PDE1C: variants seen among roughly 807,000 people sequenced by gnomAD.
PDE1C encodes phosphodiesterase 1C.
A neutral mutation model predicts 93.1 loss-of-function variants in PDE1C; 62 were observed. The observed-to-expected ratio is 0.67, with a 90% CI of 0.54 to 0.82. The LOEUF (loss-of-function observed/expected upper bound fraction) is 0.82. PDE1C is among the 40% of genes least tolerant of loss of function. The pLI, the probability that PDE1C is intolerant of heterozygous loss-of-function variation, is 0.00. For synonymous variants in PDE1C, 325 were observed against 310.1 expected, an observed-to-expected ratio of 1.05 and a Z score of -0.50; for missense variants, 742 against 884.6, an observed-to-expected ratio of 0.84 and a Z score of 2.04.
At chr7:31,750,276 A>G (rs1383547906), downstream of PDE1C, among the ~76,000 whole-genome samples, 1 of 134,696 alleles carries the variant, frequency 7.4e-6, no homozygotes, top group African/African-American at 2.7e-5. Context: ...AGACGGCCAC[A>G]GTAGATGAAG....
chr7:32,205,697 T>C (rs1172315754), intron 2 of PDE1C, among the ~76,000 whole-genome samples: 1 of 152,176 alleles, frequency 6.6e-6, no homozygotes, highest in African/African-American at 2.4e-5. Context: ...GCTTTTTAGG[T>C]CTGCACTACC....
chr7:31,850,088 AG>A (rs1793143594), intron 8 of PDE1C, among the ~76,000 whole-genome samples: 1 of 152,128 alleles, frequency 6.6e-6, no homozygotes, highest in African/African-American at 2.4e-5. Context: ...AAGGATGCAC[AG>A]GTTGCTCACG....
rs1445804405 is a variant in PDE1C at position 31,816,031 on chromosome 7, G to C, written c.1706C>G (p.Ser569Cys). Residue 569 changes from serine to cysteine, a missense_variant, in exon 15 of 18, where the codon TCT becomes TGT. By Grantham distance (112) the Ser-to-Cys change is moderately radical (BLOSUM62 -1). Around this residue, in one of 4 missense-constraint regions of PDE1C, gnomAD observed 454 missense variants for 459.4 expected, o/e 0.99. Transcript: ENST00000396191. ...ATTGACTTGATTCTTAGTTTCTCCA[G>C]ACGTCTTTTTCTCAGCTTTGCCAGA... ...GASGKAEKKT[S>C]GETKNQVNGT... 1 of 1,613,834 alleles carries C rather than the reference G, an allele frequency of 6.2e-7. No individual in the cohort carries two copies. Among genetic ancestry groups the C allele is most frequent in the Non-Finnish European group, 8.5e-7 (1 of 1,179,956 alleles).
the PDE1C span, chr7:31,651,270 G>A: frequency 6.2e-7 from 1 of 1,612,652 alleles, no homozygotes. Flanking sequence ...AGGAGGAAAG[G>A]TAATTACCTA....
chr7:31,691,871 G>T, the PDE1C span, among the ~76,000 whole-genome samples: 1 of 149,586 alleles, frequency 6.7e-6, no homozygotes, highest in African/African-American at 2.5e-5. Context: ...GGGTTCAAAG[G>T]ATTCATTTTA....
At position 31,947,572 on chromosome 7, in the gene PDE1C, C is replaced by T. The variant is rs535046463; in HGVS notation, c.129-66712G>A. ...GCCAGGCCTTCCCTATAGGAGCAGC[C>T]CCCATCATTCACTGCTGCTAAGCAA... On this transcript the variant is annotated intron_variant, in intron 2 of 17. Transcript: ENST00000396191. Among the ~76,000 whole-genome samples, 131 of 152,264 alleles carry T rather than the reference C, an allele frequency of 8.6e-4. 1 individual carries two copies. The highest frequency in any genetic ancestry group is 3.0e-3 in the African/African-American group (126 of 41,542).
chr7:31,686,244 A>G, the PDE1C span, among the ~76,000 whole-genome samples: 1 of 152,168 alleles, frequency 6.6e-6, no homozygotes, highest in Non-Finnish European at 1.5e-5. Flanking sequence ...GATCTCCCAG[A>G]CTGGCCTTCC....
chr7:32,380,406 T>TTTTC (rs1352914488), intron 1 of PDE1C, among the ~76,000 whole-genome samples: 1 of 120,262 alleles, frequency 8.3e-6, no homozygotes, highest in Non-Finnish European at 1.5e-5. Flanking sequence ...CCCGGCTAAT[T>TTTTC]TTTTTTTTTT....
chr7:32,083,489 A>C (rs1796851161), intron 3 of PDE1C, among the ~76,000 whole-genome samples: 1 of 152,184 alleles, frequency 6.6e-6, no homozygotes, highest in Non-Finnish European at 1.5e-5. Context: ...CAGATTCAGG[A>C]AATACAGAGA....
At chr7:31,685,063 A>G in the PDE1C span, among the ~76,000 whole-genome samples, 1 of 152,020 alleles carries the variant, frequency 6.6e-6, no homozygotes, top group Admixed American at 6.5e-5. Flanking sequence ...AGCAATGACA[A>G]AGAACAAATT....
intron 2 of PDE1C, among the ~76,000 whole-genome samples, chr7:31,929,019 T>C (rs1030831773): frequency 3.3e-5 from 5 of 151,906 alleles, no homozygotes; most frequent in Non-Finnish European, 7.4e-5. Flanking sequence ...GACCCATTGG[T>C]GTGCTGTATT....
chr7:32,288,716 A>C (rs1812158011), intron 1 of PDE1C, among the ~76,000 whole-genome samples: 1 of 152,220 alleles, frequency 6.6e-6, no homozygotes, highest in South Asian at 2.1e-4. Flanking sequence ...CTTTCTGAGA[A>C]ACTGTAAACT....
chr7:32,424,917 G>C (rs1359097648), intron 1 of PDE1C, among the ~76,000 whole-genome samples: 1 of 152,048 alleles, frequency 6.6e-6, no homozygotes, highest in African/African-American at 2.4e-5. Context: ...ATAGAGAAAA[G>C]GTAAGAACAC....
intron 1 of PDE1C, among the ~76,000 whole-genome samples, chr7:32,214,306 G>A (rs557516661): frequency 6.6e-6 from 1 of 152,238 alleles, no homozygotes; most frequent in South Asian, 2.1e-4. Flanking sequence ...TCTAGTCCAA[G>A]AGGGCTCCTT....
At position 32,374,263 on chromosome 7, in the gene PDE1C, G is replaced by GAA. The variant is rs1562696005; in HGVS notation, c.310+53557_310+53558dup. Among the ~76,000 whole-genome samples the GAA allele has an allele frequency of 3.1e-3, 383 of 122,380 alleles. 2 individuals are homozygous for GAA. Among genetic ancestry groups the GAA allele is most frequent in the African/African-American group, 0.012 (358 of 30,314 alleles). 80.3% of individuals were successfully genotyped at this position (122,380 alleles called of 152,430 possible). On this transcript the variant is annotated intron_variant, in intron 1 of 1. Transcript: ENST00000672256. ...GAAGGAAGGAAAGGAAAGGAAGAAA[G>GAA]AAAGAAAGAAAGAAAGAAAGAAAGA...
chr7:32,020,318 C>A (rs1788471125), intron 2 of PDE1C, among the ~76,000 whole-genome samples: 1 of 151,856 alleles, frequency 6.6e-6, no homozygotes, highest in African/African-American at 2.4e-5. Context: ...AAATCCCCTG[C>A]CCTAAAAAAC....
chr7:31,802,724 A>C lies in PDE1C; in HGVS notation c.1891+6307T>G, dbSNP rs545903387. On this transcript the variant is annotated intron_variant, in intron 16 of 17. Coordinates refer to ENST00000396191, the MANE Select transcript of PDE1C (RefSeq NM_001191057.4). Reference sequence around the variant, plus strand: ...TGATTTTTTTTCCTTTCATTAATTAAAAAATTTAGCTCCACTGTCTTATTT... The same window carrying C: ...TGATTTTTTTTCCTTTCATTAATTACAAAATTTAGCTCCACTGTCTTATTT... Among the ~76,000 whole-genome samples, 48 of 151,856 alleles carry C rather than the reference A, an allele frequency of 3.2e-4. No individual in the cohort carries two copies. In the South Asian group the frequency reaches 9.7e-3, roughly 31 times the overall value.
chr7:31,675,728 G>T, the PDE1C span, among the ~76,000 whole-genome samples: 4 of 151,614 alleles, frequency 2.6e-5, no homozygotes, highest in African/African-American at 9.7e-5. Context: ...ATAATATATT[G>T]GTTAGGGCTA....
chr7:31,819,141 T>G lies in PDE1C; in HGVS notation c.1583-2987A>C, dbSNP rs927786926. On this transcript the variant is annotated intron_variant, in intron 14 of 17. Transcript: ENST00000396191. ...GTATGATTTCTCTACAGCAATCATG[T>G]TCCAGCAGGTGGTCCTGCAGCTTTT... Among the ~76,000 whole-genome samples the G allele has an allele frequency of 1.9e-4, 29 of 152,126 alleles. 1 individual carries two copies. Among genetic ancestry groups the G allele is most frequent in the Admixed American group, 1.8e-3 (27 of 15,260 alleles).
Sources: allele counts gnomAD v4.1 joint callset (sites outside exome capture counted in the v4.1 genomes callset), GRCh38; gene constraint gnomAD v4.1.1; regional missense constraint gnomAD v4.1.1; transcripts MANE v1.5; gene names NCBI Gene and HGNC (gene_info 2026-07-23, HGNC 2026-07-21).